CFDP1: variants seen among roughly 807,000 people sequenced by gnomAD.
CFDP1 encodes the protein chromatin remodeling protein CFDP1.
A neutral mutation model predicts 40.1 loss-of-function variants in CFDP1; 31 were observed. The ratio of observed to expected loss-of-function variants is 0.77; its 90% confidence interval spans 0.58 to 1.04. The LOEUF is 1.04. Among genes scored for constraint, CFDP1 ranks in the 50% least tolerant of loss-of-function variants. The pLI is 0.00. For missense variants in CFDP1, 423 were observed against 343.4 expected, an observed-to-expected ratio of 1.23 and a Z score of -1.83; for synonymous variants, 167 against 120.0, an observed-to-expected ratio of 1.39 and a Z score of -2.56.
intron 4 of CFDP1, among the ~76,000 whole-genome samples, chr16:75,400,213 T>G (rs1381552636): frequency 6.6e-6 from 1 of 151,750 alleles, no homozygotes; most frequent in African/African-American, 2.4e-5. Context: ...AGCCAGGAGT[T>G]CAAGGTTACA....
intron 5 of CFDP1, among the ~76,000 whole-genome samples, chr16:75,388,896 T>A (rs1025307740): frequency 6.7e-6 from 1 of 150,154 alleles, no homozygotes; most frequent in African/African-American, 2.4e-5. Context: ...ACCTATGATG[T>A]TGTTTGATAC....
chr16:75,297,686 C>G (rs1411183675), intron 6 of CFDP1, among the ~76,000 whole-genome samples: 3 of 152,144 alleles, frequency 2.0e-5, no homozygotes, highest in Non-Finnish European at 4.4e-5. Flanking sequence ...CTTCTGTGGC[C>G]CATTTAAGAG....
At chr16:75,391,528 A>T (rs978996365) in intron 5 of CFDP1, 2 of 152,238 alleles carry the variant, frequency 1.3e-5, no homozygotes, top group South Asian at 4.1e-4. Context: ...ATAATGTAAA[A>T]CAGAAAATCA....
intron 5 of CFDP1, among the ~76,000 whole-genome samples, chr16:75,357,355 A>T (rs1308698061): frequency 6.6e-6 from 1 of 152,074 alleles, no homozygotes; most frequent in Non-Finnish European, 1.5e-5. Flanking sequence ...CCCGAGTTCA[A>T]GCGATTCTCC....
intron 1 of CFDP1, among the ~76,000 whole-genome samples, chr16:75,419,687 A>C (rs991257558): frequency 1.3e-5 from 2 of 152,182 alleles, no homozygotes; most frequent in Admixed American, 1.3e-4. Flanking sequence ...GACCTTGCTG[A>C]TAAAACAGTC....
At chr16:75,399,015 C>G (rs1272030291) in intron 4 of CFDP1, among the ~76,000 whole-genome samples, 1 of 147,410 alleles carries the variant, frequency 6.8e-6, no homozygotes, top group East Asian at 2.0e-4. Context: ...CGAAATCATG[C>G]CACTGCACTT....
chr16:75,342,963 G>A (rs2078536725), intron 5 of CFDP1, among the ~76,000 whole-genome samples: 1 of 152,168 alleles, frequency 6.6e-6, no homozygotes, highest in Non-Finnish European at 1.5e-5. Context: ...TGCCCTAGGT[G>A]AGATGGCACC....
intron 6 of CFDP1, among the ~76,000 whole-genome samples, chr16:75,296,244 CTGACT>C (rs2078181312): frequency 6.6e-6 from 1 of 152,028 alleles, no homozygotes. Flanking sequence ...GTCTTTCTTC[CTGACT>C]TTATTTTTTT....
rs1233897805 is a variant in CFDP1 at position 75,412,718 on chromosome 16, C to T, written c.219G>A (p.Glu73=). 5.6e-6 allele frequency: 9 copies of T among 1,613,962 alleles called. No homozygotes were observed. The highest frequency in any genetic ancestry group is 7.6e-6 in the Non-Finnish European group (9 of 1,180,018). The change falls in exon 3 of 7, where the codon GAG becomes GAA. Residue 73 remains glutamate (E), a synonymous_variant. Transcript: ENST00000283882. The part of the protein sequence containing the change: ...RRQGGLSLEE[E]EEEDANSESE... ...ATTCTGAATTGGCATCCTCCTCTTC[C>T]TCTTCTTCTAATGAGAGGCCACCTT...
chr16:75,334,941 C>T (rs190296813), intron 5 of CFDP1, among the ~76,000 whole-genome samples: 23 of 148,872 alleles, frequency 1.5e-4, no homozygotes, highest in South Asian at 6.4e-4. Flanking sequence ...GGCGACAAAG[C>T]GAGACACTCT....
At chr16:75,387,140 CTTTTT>C (rs11303354) in intron 5 of CFDP1, among the ~76,000 whole-genome samples, 3 of 128,482 alleles carry the variant, frequency 2.3e-5, no homozygotes, top group Non-Finnish European at 1.7e-5. Flanking sequence ...TCTTTTCTTT[CTTTTT>C]TTTTTTTTTT....
chr16:75,359,935 A>T (rs546187315), intron 5 of CFDP1, among the ~76,000 whole-genome samples: 1 of 152,304 alleles, frequency 6.6e-6, no homozygotes, highest in Non-Finnish European at 1.5e-5. Flanking sequence ...GCTGAAAATG[A>T]TCTGCTGAGA....
intron 1 of CFDP1, among the ~76,000 whole-genome samples, chr16:75,423,280 CA>C (rs34137868): frequency 0.51 from 55,590 of 109,170 alleles, 13,445 homozygotes; most frequent in Admixed American, 0.62. Context: ...GACTCCGTCT[CA>C]AAAAAAAAAA....
At chr16:75,416,121 C>T (rs114659019) in intron 1 of CFDP1, among the ~76,000 whole-genome samples, 1 of 151,914 alleles carries the variant, frequency 6.6e-6, no homozygotes, top group African/African-American at 2.4e-5. Flanking sequence ...CAAAGTGCTG[C>T]GATTACAGAC....
rs530788864 is a variant in CFDP1 at position 75,341,612 on chromosome 16, T to C, written c.651-36430A>G. On this transcript the variant is annotated intron_variant, in intron 5 of 6. Coordinates refer to ENST00000283882, the MANE Select transcript of CFDP1 (RefSeq NM_006324.3). ...CTATGTCTGGCATTGCTCTGGCAAT[T>C]TGGGAAGGCTTCTTTGACAGCAGAA... Among the ~76,000 whole-genome samples the C allele has an allele frequency of 7.6e-4, 115 of 152,004 alleles. 1 individual carries two copies. The South Asian group carries it at 0.011, about 14-fold the overall frequency.
intron 1 of CFDP1, among the ~76,000 whole-genome samples, chr16:75,425,916 A>T (rs2079336696): frequency 6.6e-6 from 1 of 150,824 alleles, no homozygotes. Flanking sequence ...GGCGCCTATA[A>T]TCCCAACTAC....
intron 4 of CFDP1, among the ~76,000 whole-genome samples, chr16:75,408,225 A>T (rs2079121357): frequency 6.6e-6 from 1 of 151,988 alleles, no homozygotes; most frequent in African/African-American, 2.4e-5. Context: ...AAAAATGAAA[A>T]CCCTGAACTA....
At chr16:75,328,093 G>A (rs1239268547) in intron 5 of CFDP1, among the ~76,000 whole-genome samples, 1 of 151,748 alleles carries the variant, frequency 6.6e-6, no homozygotes, top group East Asian at 2.0e-4. Flanking sequence ...TGAGGGGCAG[G>A]AGGTGGTATG....
intron 5 of CFDP1, among the ~76,000 whole-genome samples, chr16:75,339,204 T>C (rs1597341170): frequency 6.6e-6 from 1 of 152,280 alleles, no homozygotes; most frequent in East Asian, 1.9e-4. Flanking sequence ...CTTTGTCTTA[T>C]TTTATATTCT....
Sources: allele counts gnomAD v4.1 joint callset (sites outside exome capture counted in the v4.1 genomes callset), GRCh38; gene constraint gnomAD v4.1.1; transcripts MANE v1.5; gene names NCBI Gene and HGNC (gene_info 2026-07-23, HGNC 2026-07-21).